Variants in PLA2G4A observed in about 807,000 individuals in gnomAD.
PLA2G4A encodes phospholipase A2 group IVA.
In PLA2G4A, 40 loss-of-function variants were observed where a neutral mutation model predicts 81.9. The observed-to-expected ratio is 0.49, with a 90% CI of 0.38 to 0.64. PLA2G4A has a LOEUF of 0.64. PLA2G4A is among the 30% of genes least tolerant of loss of function. The probability of loss-of-function intolerance (pLI) is 0.00; values close to 1 mark genes in which losing one functional copy is unlikely to be tolerated. For missense variants in PLA2G4A, 715 were observed against 905.1 expected, an observed-to-expected ratio of 0.79 and a Z score of 2.69; for synonymous variants, 302 against 296.9, an observed-to-expected ratio of 1.02 and a Z score of -0.18.
In PLA2G4A at chr1:186,846,431, T is replaced by A. The variant is rs531247684; in HGVS notation, c.-69-7855T>A. 1.3e-3 allele frequency among the ~76,000 whole-genome samples: 199 copies of A among 152,338 alleles called. 2 individuals carry two copies. Among genetic ancestry groups the A allele is most frequent in the South Asian group, 1.2e-3 (6 of 4,828 alleles). ...GATCTGTTCATATGTATTACATTTT[T>A]AAAATAAACTTTATTTTGAAATAAT... On this transcript the variant is annotated intron_variant, in intron 1 of 17. Transcript: ENST00000367466.
At chr1:186,922,237 A>G (rs1462376363) in intron 7 of PLA2G4A, among the ~76,000 whole-genome samples, 1 of 152,152 alleles carries the variant, frequency 6.6e-6, no homozygotes, top group African/African-American at 2.4e-5. Flanking sequence ...CAGAATCAAA[A>G]CCAAAATCAG....
intron 2 of PLA2G4A, among the ~76,000 whole-genome samples, chr1:186,867,783 C>T (rs533062915): frequency 6.6e-5 from 10 of 152,152 alleles, no homozygotes; most frequent in South Asian, 6.2e-4. Context: ...CTGATCTTTT[C>T]GGGGAAGCTT....
chr1:186,963,648 A>G (rs895427026), intron 14 of PLA2G4A, among the ~76,000 whole-genome samples: 1 of 152,190 alleles, frequency 6.6e-6, no homozygotes, highest in African/African-American at 2.4e-5. Context: ...GAATTGCCTC[A>G]GCCATAAAAT....
intron 13 of PLA2G4A, among the ~76,000 whole-genome samples, chr1:186,954,462 A>G (rs6699187): frequency 0.29 from 44,554 of 151,890 alleles, 8,649 homozygotes; most frequent in African/African-American, 0.54. Flanking sequence ...TGGGGGAGGG[A>G]TAGCATTAGG....
chr1:186,829,806 T>C (rs746395626), intron 1 of PLA2G4A, among the ~76,000 whole-genome samples: 7 of 152,216 alleles, frequency 4.6e-5, no homozygotes, highest in Non-Finnish European at 7.4e-5. Context: ...ATAATCATTT[T>C]AGTCTTAAAA....
At chr1:186,888,452 C>G (rs1007904085) in intron 3 of PLA2G4A, among the ~76,000 whole-genome samples, 2 of 152,112 alleles carry the variant, frequency 1.3e-5, no homozygotes, top group Admixed American at 1.3e-4. Context: ...GTAGACCTCA[C>G]CCTCCTCTTT....
chr1:186,941,968 A>G (rs1224163469), intron 10 of PLA2G4A, among the ~76,000 whole-genome samples: 1 of 152,182 alleles, frequency 6.6e-6, no homozygotes, highest in Non-Finnish European at 1.5e-5. Context: ...GGCAGGCCCT[A>G]ATAATAAGTT....
chr1:186,987,965 T>C (rs1657938870), intron 17 of PLA2G4A, among the ~76,000 whole-genome samples: 1 of 152,142 alleles, frequency 6.6e-6, no homozygotes, highest in Non-Finnish European at 1.5e-5. Flanking sequence ...AGGAAAAGCT[T>C]TTACTTTCCT....
chr1:186,976,072 A>AT (rs1223162092), intron 15 of PLA2G4A, among the ~76,000 whole-genome samples: 3 of 152,068 alleles, frequency 2.0e-5, no homozygotes, highest in African/African-American at 4.8e-5. Flanking sequence ...CTCACCTTGT[A>AT]TTTTTTCCTG....
chr1:186,862,222 A>T (rs930938234), intron 2 of PLA2G4A, among the ~76,000 whole-genome samples: 1 of 25,054 alleles, frequency 4.0e-5, no homozygotes. Flanking sequence ...TTAGTTATGA[A>T]CTTTTTTTTT....
chr1:186,978,609 C>T (rs951321599), intron 16 of PLA2G4A, among the ~76,000 whole-genome samples: 3 of 152,194 alleles, frequency 2.0e-5, no homozygotes, highest in Non-Finnish European at 4.4e-5. Context: ...CACTAGAGCA[C>T]ATGAAACCCA....
intron 6 of PLA2G4A, among the ~76,000 whole-genome samples, chr1:186,908,720 A>G (rs1367123750): frequency 6.6e-6 from 1 of 151,908 alleles, no homozygotes; most frequent in Admixed American, 6.6e-5. Context: ...ACTTTTATTT[A>G]TATAAGCACA....
At chr1:186,977,506 C>A in intron 15 of PLA2G4A, 87 bp from the exon 16 acceptor site, 1 of 816,904 alleles carries the variant, frequency 1.2e-6, no homozygotes, top group Non-Finnish European at 2.1e-6. Context: ...ACACAGTAGA[C>A]ACCTAGTGAA....
intron 5 of PLA2G4A, 79 bp downstream of exon 5, chr1:186,894,290 T>G (rs1394528972): frequency 4.1e-6 from 3 of 739,898 alleles, no homozygotes; most frequent in East Asian, 2.5e-5. Flanking sequence ...GTTTAACACT[T>G]GGAAAATTGT....
intron 17 of PLA2G4A, among the ~76,000 whole-genome samples, chr1:186,985,064 T>C (rs569364001): frequency 1.3e-5 from 2 of 152,310 alleles, no homozygotes; most frequent in South Asian, 2.1e-4. Context: ...CCTTATTTCT[T>C]AGTGTTCCCC....
intron 10 of PLA2G4A, among the ~76,000 whole-genome samples, chr1:186,941,745 T>C (rs541280107): frequency 6.6e-6 from 1 of 152,250 alleles, no homozygotes; most frequent in African/African-American, 2.4e-5. Flanking sequence ...CACAATATAT[T>C]GTCCCTACCC....
chr1:186,980,636 C>T (rs2102300709), intron 17 of PLA2G4A, among the ~76,000 whole-genome samples: 1 of 152,180 alleles, frequency 6.6e-6, no homozygotes, highest in Non-Finnish European at 1.5e-5. Flanking sequence ...TTTATATGGG[C>T]TCTAATTAGA....
At chr1:186,895,642 C>T (rs967000984) in intron 5 of PLA2G4A, among the ~76,000 whole-genome samples, 1 of 152,010 alleles carries the variant, frequency 6.6e-6, no homozygotes, top group African/African-American at 2.4e-5. Context: ...AAAAGAAATC[C>T]CCAGACAGTG....
chr1:186,941,470 C>T (rs189115241), intron 10 of PLA2G4A, among the ~76,000 whole-genome samples: 1 of 152,290 alleles, frequency 6.6e-6, no homozygotes, highest in East Asian at 1.9e-4. Context: ...GCACTTATCA[C>T]ATTTGCTATT....
Sources: allele counts gnomAD v4.1 joint callset (sites outside exome capture counted in the v4.1 genomes callset), GRCh38; gene constraint gnomAD v4.1.1; transcripts MANE v1.5; gene names NCBI Gene and HGNC (gene_info 2026-07-23, HGNC 2026-07-21).